Variants in LYG1 observed in about 807,000 individuals in gnomAD.
LYG1 encodes the protein lysozyme g1, also known as lysozyme g-like protein 1.
LYG1 carries 17 observed loss-of-function variants against 21.7 expected under a neutral mutation model. The ratio of observed to expected loss-of-function variants is 0.78; its 90% CI spans 0.54 to 1.18. The LOEUF is 1.18. Among genes scored for constraint, LYG1 ranks in the 50% most tolerant of loss-of-function variants. The probability of loss-of-function intolerance (pLI) is 0.00; values close to 1 mark genes in which losing one functional copy is unlikely to be tolerated. For synonymous variants in LYG1, 81 were observed against 87.4 expected, an observed-to-expected ratio of 0.93 and a Z score of 0.41; for missense variants, 211 against 238.1, an observed-to-expected ratio of 0.89 and a Z score of 0.75.
rs552190755 is a variant in LYG1 at position 99,293,695 on chromosome 2, G to A, written c.44-1055C>T. Among the ~76,000 whole-genome samples the A allele has an allele frequency of 2.0e-5, 3 of 152,280 alleles. No individual in the cohort carries two copies. The South Asian group carries it at 6.2e-4, about 32-fold the overall frequency. On this transcript the variant is annotated intron_variant, in intron 3 of 6. Coordinates refer to ENST00000308528, the MANE Select transcript of LYG1 (RefSeq NM_174898.3). The stretch of plus-strand genomic sequence containing the variant: ...CACAAAGGCCATTGAAGAGGAGAAT[G>A]TTCTTTCTCTTCACACCAGGAGGAG...
intron 3 of LYG1, among the ~76,000 whole-genome samples, chr2:99,294,026 A>G (rs2094128924): frequency 1.3e-5 from 2 of 152,140 alleles, no homozygotes; most frequent in African/African-American, 2.4e-5. Context: ...GGTTCAAGCT[A>G]TCCTGCCACC....
intron 3 of LYG1, among the ~76,000 whole-genome samples, chr2:99,293,281 C>T (rs1354447380): frequency 3.9e-5 from 6 of 152,174 alleles, no homozygotes; most frequent in African/African-American, 2.4e-5. Context: ...CGTGAGCCAC[C>T]GCGCCCAGCC....
At chr2:99,291,819 TTAGA>T (rs1298884690) in intron 4 of LYG1, among the ~76,000 whole-genome samples, 1 of 152,232 alleles carries the variant, frequency 6.6e-6, no homozygotes, top group Non-Finnish European at 1.5e-5. Context: ...CAATAAGTCT[TTAGA>T]TAGTGTTCCT....
chr2:99,297,739 G>C (rs1263599067), intron 2 of LYG1, among the ~76,000 whole-genome samples: 2 of 152,102 alleles, frequency 1.3e-5, no homozygotes, highest in Admixed American at 6.5e-5. Context: ...CTTAGAGCCA[G>C]AGTTTTACTC....
chr2:99,288,610 C>T (rs1054878949), intron 5 of LYG1, among the ~76,000 whole-genome samples: 25 of 152,204 alleles, frequency 1.6e-4, no homozygotes, highest in African/African-American at 6.0e-4. Context: ...ACTCTCTCGC[C>T]CAGACTGGAG....
chr2:99,293,565 A>G (rs1234566137), intron 3 of LYG1, among the ~76,000 whole-genome samples: 3 of 152,192 alleles, frequency 2.0e-5, no homozygotes, highest in African/African-American at 7.2e-5. Flanking sequence ...GGGATCACCC[A>G]CTTTCCACTT....
chr2:99,291,142 A>G (rs2094116775), intron 5 of LYG1, 95 bp downstream of exon 5: 1 of 1,204,640 alleles, frequency 8.3e-7, no homozygotes, highest in Non-Finnish European at 1.2e-6. Context: ...ACCTTCATTC[A>G]TGCTGTGTTC....
At chr2:99,290,043 A>C (rs886253903) in intron 5 of LYG1, among the ~76,000 whole-genome samples, 14 of 152,178 alleles carry the variant, frequency 9.2e-5, no homozygotes, top group Middle Eastern at 3.4e-3. Flanking sequence ...ATTTTAGTAG[A>C]GATGGGGTTT....
upstream of LYG1, among the ~76,000 whole-genome samples, chr2:99,303,650 G>T (rs556208581): frequency 2.0e-5 from 3 of 152,320 alleles, no homozygotes; most frequent in Admixed American, 2.0e-4. Context: ...GAGCCAGAGT[G>T]ACTCGGGAGA....
At chr2:99,287,819 AT>A (rs1305267963) in intron 5 of LYG1, among the ~76,000 whole-genome samples, 4 of 151,998 alleles carry the variant, frequency 2.6e-5, no homozygotes, top group Non-Finnish European at 4.4e-5. Flanking sequence ...ATTTTTGAGG[AT>A]TTCTTTAATA....
chr2:99,288,875 T>C (rs1186523960), intron 5 of LYG1, among the ~76,000 whole-genome samples: 6 of 152,044 alleles, frequency 3.9e-5, no homozygotes, highest in Non-Finnish European at 8.8e-5. Flanking sequence ...CCCAGCCTAT[T>C]TTGTAACCGA....
At chr2:99,301,885 G>A (rs1424962460), upstream of LYG1, among the ~76,000 whole-genome samples, 25 of 151,182 alleles carry the variant, frequency 1.7e-4, no homozygotes, top group East Asian at 1.6e-3. Flanking sequence ...GACCTACAGC[G>A]TGTTCCAAAT....
chr2:99,292,700 C>T, intron 3 of LYG1, 60 bp from the exon 4 acceptor site: 1 of 1,056,974 alleles, frequency 9.5e-7, no homozygotes, highest in Non-Finnish European at 1.5e-6. Flanking sequence ...TTCTTCTGTC[C>T]ATGAATAAAA....
intron 1 of LYG1, among the ~76,000 whole-genome samples, chr2:99,300,201 C>T (rs563682415): frequency 5.3e-5 from 8 of 152,224 alleles, no homozygotes; most frequent in South Asian, 2.1e-4. Flanking sequence ...GTGAAAATAC[C>T]TATTCACTGA....
At position 99,289,836 on chromosome 2, in the gene LYG1, CTTG is replaced by C. The variant is rs1454131781; in HGVS notation, c.333+1398_333+1400del. The stretch of plus-strand genomic sequence containing the variant: ...GAAATGTCCAAATCTAGAGAATTCT[CTTG>C]TTTGTTGTTGTTGTTGTTGTTGTTG... On this transcript the variant is annotated intron_variant, in intron 5 of 6. Coordinates refer to ENST00000308528, the MANE Select transcript of LYG1 (RefSeq NM_174898.3). Among the ~76,000 whole-genome samples the C allele has an allele frequency of 4.2e-5, 6 of 142,188 alleles. 1 individual carries two copies. The highest frequency in any genetic ancestry group is 9.3e-5 in the Non-Finnish European group (6 of 64,244). The allele number at this position is 142,188 out of a possible 152,430, so 93.3% of individuals were successfully genotyped here. A position where few individuals can be genotyped will look rare whatever the true frequency, so the allele number is the denominator to read the frequency against.
intron 6 of LYG1, 86 bp downstream of exon 6, chr2:99,284,602 G>T (rs2094091809): frequency 1.3e-6 from 2 of 1,591,668 alleles, no homozygotes; most frequent in Non-Finnish European, 1.7e-6. Context: ...GAGGCAGCTG[G>T]AGTTTCGGGG....
chr2:99,302,948 G>A (rs1258628740), upstream of LYG1, among the ~76,000 whole-genome samples: 16 of 151,806 alleles, frequency 1.1e-4, no homozygotes, highest in Admixed American at 1.1e-3. Flanking sequence ...AACCAAGAGG[G>A]AGAGGTTGCA....
intron 5 of LYG1, 41 bp downstream of exon 5, chr2:99,291,196 C>T: frequency 6.3e-7 from 1 of 1,592,538 alleles, no homozygotes; most frequent in Non-Finnish European, 8.6e-7. Context: ...AGTGGTGCCA[C>T]ATAGCAGAAT....
At chr2:99,288,688 C>T (rs1007338476) in intron 5 of LYG1, among the ~76,000 whole-genome samples, 1 of 152,168 alleles carries the variant, frequency 6.6e-6, no homozygotes, top group African/African-American at 2.4e-5. Context: ...CCTGCCTCAG[C>T]CTCCTGCGTA....
Sources: allele counts gnomAD v4.1 joint callset (sites outside exome capture counted in the v4.1 genomes callset), GRCh38; gene constraint gnomAD v4.1.1; transcripts MANE v1.5; gene names NCBI Gene and HGNC (gene_info 2026-07-23, HGNC 2026-07-21).